THSD4: variants seen among roughly 807,000 people sequenced by gnomAD.
THSD4 encodes thrombospondin type 1 domain containing 4, also known as thrombospondin type-1 domain-containing protein 4.
A neutral mutation model predicts 119.0 loss-of-function variants in THSD4; 69 were observed. The observed-to-expected ratio is 0.58, with a 90% confidence interval of 0.48 to 0.71. The LOEUF is 0.71. THSD4 is among the 30% of genes least tolerant of loss of function. THSD4 has a pLI of 0.00. For synonymous variants in THSD4, 524 were observed against 540.4 expected, an observed-to-expected ratio of 0.97 and a Z score of 0.42; for missense variants, 1,393 against 1,391.1, an observed-to-expected ratio of 1.00 and a Z score of -0.02.
Position 71,771,153 on chromosome 15 carries a change from G to C in THSD4, c.2859G>C (p.Gln953His). The C allele has an allele frequency of 6.2e-7, 1 of 1,614,212 alleles. No individual in the cohort carries two copies. Among genetic ancestry groups the C allele is most frequent in the Non-Finnish European group, 8.5e-7 (1 of 1,180,036 alleles). Residue 953 changes from glutamine (Q) to histidine (H), a missense_variant, in exon 17 of 18, where the codon CAG becomes CAC. Coordinates refer to ENST00000261862, the MANE Select transcript of THSD4 (RefSeq NM_024817.3). ...DMTLSNLCDP[Q>H]LKPEERESCN... Reference sequence around the variant, plus strand: ...CTCTAAGTAACCTCTGTGACCCTCAGTTGAAACCAGAAGAGAGAGAATCTT... The same window carrying C: ...CTCTAAGTAACCTCTGTGACCCTCACTTGAAACCAGAAGAGAGAGAATCTT...
At chr15:71,469,315 A>C (rs1349187613) in intron 7 of THSD4, among the ~76,000 whole-genome samples, 8 of 152,208 alleles carry the variant, frequency 5.3e-5, no homozygotes. Flanking sequence ...CTCAGATTGC[A>C]CACAGGACTG....
intron 3 of THSD4, among the ~76,000 whole-genome samples, chr15:71,184,487 A>G (rs1284740684): frequency 6.6e-6 from 1 of 151,758 alleles, no homozygotes; most frequent in South Asian, 2.1e-4. Flanking sequence ...ACCCTGGGCT[A>G]AGCACTTTAT....
intron 6 of THSD4, among the ~76,000 whole-genome samples, chr15:71,334,653 C>T (rs1410515919): frequency 1.3e-5 from 2 of 152,334 alleles, no homozygotes; most frequent in African/African-American, 2.4e-5. Flanking sequence ...GCCAGCCCAT[C>T]AAGGCAAATG....
At chr15:71,170,040 G>C (rs1328750642) in intron 3 of THSD4, among the ~76,000 whole-genome samples, 1 of 152,164 alleles carries the variant, frequency 6.6e-6, no homozygotes, top group Non-Finnish European at 1.5e-5. Context: ...CAGGCATGAT[G>C]GTGAGTGCCT....
intron 7 of THSD4, among the ~76,000 whole-genome samples, chr15:71,639,351 C>T (rs1339210111): frequency 1.3e-5 from 2 of 152,160 alleles, no homozygotes; most frequent in African/African-American, 4.8e-5. Context: ...ATGACATTCA[C>T]TTAAGCTCAT....
intron 6 of THSD4, among the ~76,000 whole-genome samples, chr15:71,322,241 T>G (rs1228504024): frequency 6.6e-6 from 1 of 152,136 alleles, no homozygotes. Flanking sequence ...AGGATTTCCA[T>G]GAGTTGAAGA....
chr15:71,264,125 A>C (rs933131635), intron 6 of THSD4, among the ~76,000 whole-genome samples: 25 of 152,232 alleles, frequency 1.6e-4, no homozygotes, highest in African/African-American at 5.8e-4. Flanking sequence ...CTGTCAGATA[A>C]AAACATAGAC....
chr15:71,381,232 A>G (rs1163556154), intron 6 of THSD4, among the ~76,000 whole-genome samples: 1 of 152,194 alleles, frequency 6.6e-6, no homozygotes, highest in Admixed American at 6.5e-5. Context: ...CTTTACACTG[A>G]CTTTGCATCC....
intron 6 of THSD4, among the ~76,000 whole-genome samples, chr15:71,399,921 A>G (rs910341616): frequency 8.5e-5 from 13 of 152,234 alleles, no homozygotes; most frequent in African/African-American, 2.9e-4. Context: ...AGCAGTGCTA[A>G]GAAGACTATT....
intron 6 of THSD4, among the ~76,000 whole-genome samples, chr15:71,305,173 C>G (rs983582550): frequency 6.6e-6 from 1 of 152,174 alleles, no homozygotes; most frequent in South Asian, 2.1e-4. Context: ...CTTGGCTAAT[C>G]GTATACCAAC....
intron 7 of THSD4, among the ~76,000 whole-genome samples, chr15:71,460,945 C>T (rs1209298897): frequency 1.3e-5 from 2 of 152,026 alleles, no homozygotes; most frequent in Non-Finnish European, 2.9e-5. Context: ...CTATGTTAAC[C>T]CCCCCATATT....
chr15:71,327,822 T>C (rs1215974612), intron 6 of THSD4, among the ~76,000 whole-genome samples: 1 of 152,234 alleles, frequency 6.6e-6, no homozygotes, highest in Admixed American at 6.5e-5. Context: ...TTTGTATTTA[T>C]ATATAGTGAC....
intron 7 of THSD4, among the ~76,000 whole-genome samples, chr15:71,517,032 C>A (rs2048371657): frequency 6.6e-6 from 1 of 152,144 alleles, no homozygotes; most frequent in African/African-American, 2.4e-5. Context: ...ACAGACTCTT[C>A]CTAAGGTTTG....
At chr15:71,533,033 A>G (rs987232355) in intron 7 of THSD4, among the ~76,000 whole-genome samples, 14 of 152,166 alleles carry the variant, frequency 9.2e-5, no homozygotes, top group African/African-American at 3.4e-4. Context: ...CTGAAGTATG[A>G]GTTGTATTTG....
intron 7 of THSD4, among the ~76,000 whole-genome samples, chr15:71,543,117 T>C (rs567141612): frequency 6.6e-6 from 1 of 152,306 alleles, no homozygotes; most frequent in South Asian, 2.1e-4. Flanking sequence ...TGTAGTTTAG[T>C]TAATATTATT....
chr15:71,500,514 C>T (rs2048094294), intron 7 of THSD4, among the ~76,000 whole-genome samples: 1 of 152,064 alleles, frequency 6.6e-6, no homozygotes, highest in Non-Finnish European at 1.5e-5. Flanking sequence ...GTTTTTATTG[C>T]CTGTGTTGTT....
At chr15:71,203,336 A>G (rs1222405678) in intron 3 of THSD4, among the ~76,000 whole-genome samples, 1 of 152,130 alleles carries the variant, frequency 6.6e-6, no homozygotes, top group Non-Finnish European at 1.5e-5. Flanking sequence ...CAAGAGAGTA[A>G]CACAGTAGGG....
At chr15:71,739,039 G>A (rs1417831147) in intron 11 of THSD4, among the ~76,000 whole-genome samples, 1 of 151,600 alleles carries the variant, frequency 6.6e-6, no homozygotes, top group Non-Finnish European at 1.5e-5. Flanking sequence ...TCCAAGTCAG[G>A]GTTGTGGAAG....
intron 17 of THSD4, among the ~76,000 whole-genome samples, chr15:71,773,253 T>C (rs1291283856): frequency 7.3e-6 from 1 of 136,648 alleles, no homozygotes; most frequent in Non-Finnish European, 1.6e-5. Context: ...GTTATACACA[T>C]AAAGCTGCCT....
Sources: allele counts gnomAD v4.1 joint callset (sites outside exome capture counted in the v4.1 genomes callset), GRCh38; gene constraint gnomAD v4.1.1; transcripts MANE v1.5; gene names NCBI Gene and HGNC (gene_info 2026-07-23, HGNC 2026-07-21).